The following PBLD variants were observed in gnomAD, a reference collection of about 807,000 sequenced individuals.
PBLD encodes the protein phenazine biosynthesis-like domain-containing protein.
A neutral mutation model predicts 31.3 loss-of-function variants in PBLD; 26 were observed. That is an observed-to-expected ratio of 0.83 (90% CI 0.61 to 1.15). The LOEUF (loss-of-function observed/expected upper bound fraction) is 1.15, where lower values mean the gene tolerates loss of function less well. Ranked by LOEUF, PBLD falls within the 50% of genes most tolerant of loss-of-function variation. The probability of loss-of-function intolerance (pLI) is 0.00; values close to 1 mark genes in which losing one functional copy is unlikely to be tolerated. For missense variants in PBLD, 307 were observed against 351.7 expected (o/e 0.87, Z 1.02); for synonymous variants, 114 against 129.0 (o/e 0.88, Z 0.79).
intron 1 of PBLD, among the ~76,000 whole-genome samples, chr10:68,311,955 G>T (rs1372665240): frequency 6.6e-6 from 1 of 152,146 alleles, no homozygotes; most frequent in African/African-American, 2.4e-5. Flanking sequence ...CAGTAGCCTG[G>T]GAACAGATCA....
rs1382856710 is a variant in PBLD, at chr10:68,283,161, G to C, written c.*1016C>G. 3.9e-5 allele frequency: 6 copies of C among 151,964 alleles called. No homozygotes were observed. Among genetic ancestry groups the C allele is most frequent in the Non-Finnish European group, 8.8e-5 (6 of 68,020 alleles). 9.4% of individuals were successfully genotyped at this position (151,964 alleles called of 1,614,324 possible). A position where few individuals can be genotyped will look rare whatever the true frequency, so the allele number is the denominator to read the frequency against. ...GTCCTGCCAAAGTGCTGGGATTACA[G>C]GCATGAGCCGCCACGCCCAGCTGAG... On this transcript the variant is annotated 3_prime_UTR_variant, in exon 10 of 10. Transcript: ENST00000358769.
intron 4 of PBLD, among the ~76,000 whole-genome samples, chr10:68,293,959 G>A (rs1220273586): frequency 1.3e-5 from 2 of 151,912 alleles, no homozygotes; most frequent in African/African-American, 4.8e-5. Context: ...TGGGTGACAA[G>A]AGCAAAACTC....
chr10:68,323,680 C>A (rs181411544), intron 1 of PBLD, among the ~76,000 whole-genome samples: 1,651 of 152,266 alleles, frequency 0.011, 16 homozygotes, highest in Non-Finnish European at 0.016. Flanking sequence ...AGTTTTGGAG[C>A]AATTTGTTAC....
At chr10:68,319,168 T>C (rs1272641097) in intron 1 of PBLD, among the ~76,000 whole-genome samples, 1 of 146,428 alleles carries the variant, frequency 6.8e-6, no homozygotes, top group Non-Finnish European at 1.5e-5. Flanking sequence ...AAATATCTAG[T>C]TGGGACTCCA....
chr10:68,286,392 A>G (rs2044288850), intron 8 of PBLD, among the ~76,000 whole-genome samples: 1 of 151,820 alleles, frequency 6.6e-6, no homozygotes, highest in Admixed American at 6.6e-5. Context: ...CCAGCCTTGC[A>G]TAAGTCTTTC....
At chr10:68,325,943 G>A (rs1396587656) in intron 1 of PBLD, among the ~76,000 whole-genome samples, 1 of 152,126 alleles carries the variant, frequency 6.6e-6, no homozygotes, top group Non-Finnish European at 1.5e-5. Flanking sequence ...ACAGTTTAAT[G>A]TAATTTATCT....
chr10:68,328,694 G>A (rs1262121584), intron 1 of PBLD, among the ~76,000 whole-genome samples: 2 of 152,184 alleles, frequency 1.3e-5, no homozygotes, highest in African/African-American at 4.8e-5. Context: ...ATTCCACACA[G>A]ATAGGTCTGG....
rs1162072932 is a variant in PBLD at position 68,316,074 on chromosome 10, A to G, written c.-59-9171T>C. Among the ~76,000 whole-genome samples, 4 of 152,202 alleles carry G rather than the reference A, an allele frequency of 2.6e-5. No individual in the cohort carries two copies. In the East Asian group the frequency reaches 5.8e-4, roughly 22 times the overall value. On this transcript the variant is annotated intron_variant, in intron 1 of 9. Transcript: ENST00000358769. Reference sequence around the variant, plus strand: ...TTTCCAGATTTCAACAACAAAAAAGAGGTGTATATAGAAACAAGAAAGTAT... The same window carrying G: ...TTTCCAGATTTCAACAACAAAAAAGGGGTGTATATAGAAACAAGAAAGTAT...
At chr10:68,305,303 C>T (rs1318046241) in intron 2 of PBLD, among the ~76,000 whole-genome samples, 4 of 144,548 alleles carry the variant, frequency 2.8e-5, no homozygotes, top group African/African-American at 1.0e-4. Context: ...CTTAGAGACA[C>T]GGTCTCGCTG....
intron 2 of PBLD, among the ~76,000 whole-genome samples, chr10:68,301,617 T>C (rs2134461270): frequency 6.6e-6 from 1 of 152,324 alleles, no homozygotes; most frequent in East Asian, 1.9e-4. Context: ...AAAGTGCCTG[T>C]CAGTCCTTCC....
chr10:68,305,109 C>A (rs967769444), intron 2 of PBLD, among the ~76,000 whole-genome samples: 18 of 152,112 alleles, frequency 1.2e-4, no homozygotes, highest in African/African-American at 3.9e-4. Flanking sequence ...CCTGTAATCC[C>A]AGCACTTTGG....
chr10:68,317,500 T>A (rs1322157573), intron 1 of PBLD, among the ~76,000 whole-genome samples: 2 of 152,106 alleles, frequency 1.3e-5, no homozygotes, highest in East Asian at 3.9e-4. Context: ...ATGGCCACTA[T>A]CAAAAGAACA....
intron 8 of PBLD, chr10:68,288,212 CAA>C (rs1489628647): frequency 2.2e-6 from 1 of 446,654 alleles, no homozygotes. Context: ...TTTTAAAAGT[CAA>C]GTCACTTGCC....
At chr10:68,322,338 C>T (rs1032792310) in intron 1 of PBLD, among the ~76,000 whole-genome samples, 2 of 151,750 alleles carry the variant, frequency 1.3e-5, no homozygotes, top group African/African-American at 2.4e-5. Context: ...ACTACTGAGC[C>T]GTACATAAAA....
chr10:68,304,399 T>C (rs898187202), intron 2 of PBLD, among the ~76,000 whole-genome samples: 1 of 152,198 alleles, frequency 6.6e-6, no homozygotes, highest in Non-Finnish European at 1.5e-5. Flanking sequence ...GGAAAACTCT[T>C]TAGAGAGCAT....
At chr10:68,306,392 T>C (rs2044579555) in intron 2 of PBLD, among the ~76,000 whole-genome samples, 1 of 152,228 alleles carries the variant, frequency 6.6e-6, no homozygotes, top group Non-Finnish European at 1.5e-5. Flanking sequence ...AGTTAGGATC[T>C]GTTATGCTCA....
chr10:68,288,874 G>T, intron 7 of PBLD, 57 bp downstream of exon 7: 1 of 1,483,416 alleles, frequency 6.7e-7, no homozygotes, highest in Non-Finnish European at 9.4e-7. Flanking sequence ...CTAAGGAAGA[G>T]CTATAAATCT....
In PBLD at chr10:68,285,459, G is replaced by T. The variant is rs746882276; in HGVS notation, c.692-49C>A. ...AGACAATCCCCAAGAAAACAGAGGC[G>T]ATTTTGTGGTAAATTTCTAAGCAAT... On this transcript the variant is annotated intron_variant, in intron 8 of 9. Transcript: ENST00000358769. 3.9e-6 allele frequency: 6 copies of T among 1,551,028 alleles called. No homozygotes were observed. In the Admixed American group the frequency reaches 8.5e-5, roughly 22 times the overall value.
intron 1 of PBLD, among the ~76,000 whole-genome samples, chr10:68,327,673 C>CAAAAAAAAAAAAA: frequency 1.5e-5 from 1 of 68,832 alleles, no homozygotes; most frequent in Non-Finnish European, 2.7e-5. Flanking sequence ...GACTCCACCT[C>CAAAAAAAAAAAAA]AAAAAAAAAA....
Sources: allele counts gnomAD v4.1 joint callset (sites outside exome capture counted in the v4.1 genomes callset), GRCh38; gene constraint gnomAD v4.1.1; transcripts MANE v1.5; gene names NCBI Gene and HGNC (gene_info 2026-07-23, HGNC 2026-07-21).